HTT: variants seen among roughly 807,000 people sequenced by gnomAD.
HTT encodes the protein huntington disease protein.
In HTT, 104 loss-of-function variants were observed where a neutral mutation model predicts 362.3. The observed-to-expected ratio is 0.29, with a 90% CI of 0.24 to 0.34. The LOEUF is 0.34. HTT is among the 10% of genes least tolerant of loss of function. The probability of loss-of-function intolerance (pLI) is 1.00; values close to 1 mark genes in which losing one functional copy is unlikely to be tolerated. For synonymous variants in HTT, 1,577 were observed against 1,548.7 expected (o/e 1.02, Z -0.43); for missense variants, 3,301 against 3,928.6 (o/e 0.84, Z 4.27).
At chr4:3,182,674 G>A (rs1718581301) in intron 37 of HTT, among the ~76,000 whole-genome samples, 1 of 152,076 alleles carries the variant, frequency 6.6e-6, no homozygotes, top group Admixed American at 6.5e-5. Context: ...TTTACAGGGG[G>A]GATCCCACAG....
chr4:3,231,786 G>C (rs141363528), intron 60 of HTT, among the ~76,000 whole-genome samples: 2 of 152,340 alleles, frequency 1.3e-5, no homozygotes, highest in East Asian at 3.9e-4. Context: ...GGAAGTTTCA[G>C]CTGCTGGGCT....
At chr4:3,113,724 G>A (rs1376251810) in intron 6 of HTT, among the ~76,000 whole-genome samples, 1 of 152,286 alleles carries the variant, frequency 6.6e-6, no homozygotes, top group African/African-American at 2.4e-5. Context: ...TTCTCAGGGA[G>A]AAATTGGAGG....
chr4:3,226,472 TA>T (rs1040057949), intron 57 of HTT, among the ~76,000 whole-genome samples: 7 of 151,254 alleles, frequency 4.6e-5, no homozygotes, highest in African/African-American at 7.3e-5. Context: ...CTCTGTCCCT[TA>T]AAAAAAAATG....
intron 2 of HTT, among the ~76,000 whole-genome samples, chr4:3,097,379 C>T (rs2110153507): frequency 6.6e-6 from 1 of 152,088 alleles, no homozygotes; most frequent in Non-Finnish European, 1.5e-5. Flanking sequence ...CGCCTGTAAT[C>T]CCAGCACCTT....
chr4:3,238,291 CT>C (rs1368145201), intron 64 of HTT, among the ~76,000 whole-genome samples, 155 bp from the exon 65 acceptor site: 1 of 152,246 alleles, frequency 6.6e-6, no homozygotes, highest in African/African-American at 2.4e-5. Flanking sequence ...TAGGCTCTGA[CT>C]TTCCCCACTT....
chr4:3,225,154 T>G (rs1578605994), intron 56 of HTT, among the ~76,000 whole-genome samples: 1 of 141,098 alleles, frequency 7.1e-6, no homozygotes, highest in African/African-American at 2.7e-5. Context: ...GCCTGGGGCG[T>G]GGGGGGGTGT....
chr4:3,168,585 T>G (rs542001804), intron 29 of HTT, among the ~76,000 whole-genome samples: 2 of 152,240 alleles, frequency 1.3e-5, no homozygotes, highest in Non-Finnish European at 2.9e-5. Flanking sequence ...ATAATTGAAA[T>G]GTATTATGCA....
chr4:3,178,255 T>G (rs1353807114), intron 34 of HTT, 43 bp from the exon 35 acceptor site: 3 of 1,429,686 alleles, frequency 2.1e-6, no homozygotes, highest in African/African-American at 2.8e-5. Flanking sequence ...GATATGTATC[T>G]TAATTTTAAA....
intron 65 of HTT, 71 bp from the exon 66 acceptor site, chr4:3,238,747 G>T: frequency 2.0e-6 from 1 of 488,856 alleles, no homozygotes. Flanking sequence ...CCCCACCCCC[G>T]CCACCCAGGC....
intron 31 of HTT, 193 bp downstream of exon 31, chr4:3,173,324 T>C: frequency 1.7e-6 from 1 of 587,722 alleles, no homozygotes; most frequent in South Asian, 2.0e-5. Flanking sequence ...CCAAGAAGTG[T>C]GTGGCCAGTG....
At chr4:3,114,277 T>C (rs1158479864) in intron 6 of HTT, among the ~76,000 whole-genome samples, 1 of 152,238 alleles carries the variant, frequency 6.6e-6, no homozygotes, top group Non-Finnish European at 1.5e-5. Flanking sequence ...CCCTCATTCC[T>C]GTCAACCCAC....
intron 2 of HTT, among the ~76,000 whole-genome samples, chr4:3,090,821 T>A (rs141286332): frequency 1.4e-3 from 207 of 152,296 alleles, no homozygotes; most frequent in African/African-American, 4.7e-3. Flanking sequence ...TATCTCAAAA[T>A]CATCACCAGG....
chr4:3,077,551 C>T (rs961616686), intron 1 of HTT, among the ~76,000 whole-genome samples: 2 of 152,060 alleles, frequency 1.3e-5, no homozygotes, highest in Non-Finnish European at 2.9e-5. Context: ...TTCTGAGTAG[C>T]TGGGATTACA....
At chr4:3,157,504 C>A (rs1270000285) in intron 28 of HTT, among the ~76,000 whole-genome samples, 1 of 152,190 alleles carries the variant, frequency 6.6e-6, no homozygotes, top group Non-Finnish European at 1.5e-5. Flanking sequence ...GTACAGGCTT[C>A]CTTCCCTCCC....
intron 8 of HTT, among the ~76,000 whole-genome samples, chr4:3,117,624 C>T (rs969180604): frequency 6.6e-6 from 1 of 152,008 alleles, no homozygotes; most frequent in Admixed American, 6.6e-5. Flanking sequence ...ATCACTTGAA[C>T]CTGGGAGTTT....
intron 40 of HTT, among the ~76,000 whole-genome samples, chr4:3,189,955 C>G (rs986147436): frequency 6.6e-6 from 1 of 151,982 alleles, no homozygotes; most frequent in Non-Finnish European, 1.5e-5. Flanking sequence ...GGTTAAGTCT[C>G]TAGTGAGATG....
chr4:3,148,976 C>A (rs1716747895), intron 26 of HTT, among the ~76,000 whole-genome samples: 1 of 152,158 alleles, frequency 6.6e-6, no homozygotes, highest in Admixed American at 6.5e-5. Context: ...AAAAATGTGA[C>A]CATGTGTTTT....
At chr4:3,194,637 C>T (rs1719162260) in intron 40 of HTT, among the ~76,000 whole-genome samples, 1 of 152,196 alleles carries the variant, frequency 6.6e-6, no homozygotes, top group Admixed American at 6.5e-5. Flanking sequence ...CTGCCCCTTC[C>T]TCCCTGAGTC....
chr4:3,174,295 A>G (rs1397997015), intron 31 of HTT, among the ~76,000 whole-genome samples: 6 of 152,150 alleles, frequency 3.9e-5, no homozygotes, highest in Non-Finnish European at 1.5e-5. Flanking sequence ...GTTTGGGTTA[A>G]TTTCATATAT....
Sources: allele counts gnomAD v4.1 joint callset (sites outside exome capture counted in the v4.1 genomes callset), GRCh38; gene constraint gnomAD v4.1.1; transcripts MANE v1.5; gene names NCBI Gene and HGNC (gene_info 2026-07-23, HGNC 2026-07-21).